Variants in SPOCK3 observed in about 807,000 individuals in gnomAD.
SPOCK3 encodes the protein testican-3.
A neutral mutation model predicts 56.6 loss-of-function variants in SPOCK3; 30 were observed. That is an observed-to-expected ratio of 0.53 (90% CI 0.40 to 0.72). The LOEUF (loss-of-function observed/expected upper bound fraction) is 0.72, where lower values mean the gene tolerates loss of function less well. Ranked by LOEUF, SPOCK3 falls within the 30% of genes least tolerant of loss-of-function variation. SPOCK3 has a pLI of 0.00. For synonymous variants in SPOCK3, 196 were observed against 183.3 expected, an observed-to-expected ratio of 1.07 and a Z score of -0.56; for missense variants, 527 against 530.0, an observed-to-expected ratio of 0.99 and a Z score of 0.06.
intron 7 of SPOCK3, among the ~76,000 whole-genome samples, chr4:166,785,407 G>T (rs1462577862): frequency 6.6e-6 from 1 of 151,986 alleles, no homozygotes; most frequent in African/African-American, 2.4e-5. Context: ...TATTTACACT[G>T]TCCAAGATTC....
At chr4:166,968,686 G>A (rs2150069962) in intron 4 of SPOCK3, among the ~76,000 whole-genome samples, 1 of 137,880 alleles carries the variant, frequency 7.3e-6, no homozygotes, top group South Asian at 2.1e-4. Flanking sequence ...GAAGTCTACT[G>A]CACAGGCAGA....
chr4:167,219,477 G>A (rs13105052), intron 2 of SPOCK3, among the ~76,000 whole-genome samples: 4,818 of 152,194 alleles, frequency 0.032, 115 homozygotes, highest in Middle Eastern at 0.072. Context: ...TATATCTAAT[G>A]TTTTACCAGT....
chr4:167,225,480 A>G (rs1336161415), intron 2 of SPOCK3, among the ~76,000 whole-genome samples: 2 of 152,064 alleles, frequency 1.3e-5, no homozygotes, highest in East Asian at 3.9e-4. Flanking sequence ...AAGACTTTTT[A>G]CCTACCCTTT....
At chr4:166,923,809 T>C (rs1485178178) in intron 4 of SPOCK3, among the ~76,000 whole-genome samples, 3 of 152,336 alleles carry the variant, frequency 2.0e-5, no homozygotes, top group African/African-American at 7.2e-5. Flanking sequence ...TTTTACACTT[T>C]ACTGATTTTT....
intron 6 of SPOCK3, among the ~76,000 whole-genome samples, chr4:166,792,538 A>G (rs1741468511): frequency 6.6e-6 from 1 of 152,180 alleles, no homozygotes; most frequent in Admixed American, 6.5e-5. Flanking sequence ...TGACACTTGG[A>G]GGATTTGTAT....
At chr4:167,054,242 G>A (rs904746322) in intron 3 of SPOCK3, among the ~76,000 whole-genome samples, 9 of 152,144 alleles carry the variant, frequency 5.9e-5, no homozygotes, top group Non-Finnish European at 1.2e-4. Context: ...TGATGTATCC[G>A]TTACACACCA....
intron 2 of SPOCK3, among the ~76,000 whole-genome samples, 189 bp downstream of exon 2, chr4:167,233,796 C>A (rs1419457759): frequency 1.3e-5 from 2 of 152,058 alleles, no homozygotes; most frequent in African/African-American, 4.8e-5. Flanking sequence ...ATCCAAGAAA[C>A]AAGCCCTTGA....
intron 2 of SPOCK3, among the ~76,000 whole-genome samples, chr4:167,066,365 A>T (rs1274891353): frequency 6.6e-6 from 1 of 151,806 alleles, no homozygotes; most frequent in Non-Finnish European, 1.5e-5. Context: ...TACTACTACA[A>T]GGTGTGACAA....
At chr4:167,224,367 T>C (rs13126864) in intron 2 of SPOCK3, among the ~76,000 whole-genome samples, 4,837 of 152,188 alleles carry the variant, frequency 0.032, 114 homozygotes, top group Middle Eastern at 0.072. Flanking sequence ...TATTCAAAAA[T>C]GTAGATAAAG....
chr4:167,034,786 T>C (rs572562158), intron 3 of SPOCK3, among the ~76,000 whole-genome samples: 17 of 152,294 alleles, frequency 1.1e-4, no homozygotes, highest in African/African-American at 2.6e-4. Context: ...AGGACATAGT[T>C]ATTTTAAATT....
chr4:167,139,506 A>G (rs1257687102), intron 2 of SPOCK3, among the ~76,000 whole-genome samples: 1 of 152,056 alleles, frequency 6.6e-6, no homozygotes, highest in African/African-American at 2.4e-5. Context: ...AAACACATGA[A>G]CTAATAGAGC....
chr4:167,146,887 C>G lies in SPOCK3; in HGVS notation c.190-84350G>C, dbSNP rs568487629. Among the ~76,000 whole-genome samples, 44 of 152,166 alleles carry G rather than the reference C, an allele frequency of 2.9e-4. 1 individual carries two copies. The highest frequency in any genetic ancestry group is 1.1e-3 in the African/African-American group (44 of 41,518). On this transcript the variant is annotated intron_variant, in intron 2 of 10. Transcript: ENST00000357545. The stretch of plus-strand genomic sequence containing the variant: ...AGATCTAAAACTGACACCCTAACAT[C>G]ACACTTAAAAGAACTAGAGAAGCAA...
intron 2 of SPOCK3, among the ~76,000 whole-genome samples, chr4:167,186,978 CAAAA>C (rs67424272): frequency 5.7e-5 from 5 of 88,382 alleles, no homozygotes; most frequent in Non-Finnish European, 7.5e-5. Flanking sequence ...CTCTGTGCCT[CAAAA>C]AAAAAAAAAA....
chr4:167,038,854 C>T (rs1753000210), intron 3 of SPOCK3, among the ~76,000 whole-genome samples: 1 of 151,980 alleles, frequency 6.6e-6, no homozygotes. Flanking sequence ...TAGGTTTATT[C>T]TACATCAGCT....
Position 167,004,092 on chromosome 4 carries a change from G to A in SPOCK3, c.236-3629C>T, listed in dbSNP as rs147120513. On this transcript the variant is annotated intron_variant, in intron 3 of 10. Transcript: ENST00000357545. ...AGATATCGTACAAGAATTGTATCTT[G>A]TCTCCAGCAGACTCAACATTTTTGT... is the stretch of plus-strand genomic sequence containing the variant. Among the ~76,000 whole-genome samples the A allele has an allele frequency of 8.8e-4, 134 of 152,216 alleles. 1 individual carries two copies. In the East Asian group the frequency reaches 0.023, roughly 26 times the overall value.
intron 6 of SPOCK3, among the ~76,000 whole-genome samples, chr4:166,838,366 G>GT (rs903882623): frequency 3.3e-5 from 5 of 151,674 alleles, no homozygotes; most frequent in Non-Finnish European, 7.4e-5. Flanking sequence ...GTTGTTTTTT[G>GT]TTTTGGTTTA....
At chr4:166,889,985 G>A (rs1287955632) in intron 5 of SPOCK3, among the ~76,000 whole-genome samples, 1 of 151,880 alleles carries the variant, frequency 6.6e-6, no homozygotes, top group Non-Finnish European at 1.5e-5. Flanking sequence ...TGTGCTTAGT[G>A]TCTCTCTAAT....
chr4:166,887,599 A>G (rs1175211842), intron 6 of SPOCK3, among the ~76,000 whole-genome samples: 1 of 152,108 alleles, frequency 6.6e-6, no homozygotes, highest in African/African-American at 2.4e-5. Context: ...TCAAGGTGGT[A>G]CTGAAAGTCC....
At position 167,065,873 on chromosome 4, in the gene SPOCK3, A is replaced by T. The variant is rs540684803; in HGVS notation, c.190-3336T>A. On this transcript the variant is annotated intron_variant, in intron 2 of 10. Transcript: ENST00000357545. ...TAAGCCAACCAGGGATTTAGAAAAC[A>T]ACTACAAGAGTTGCCCTCAATTGGA... Among the ~76,000 whole-genome samples the T allele has an allele frequency of 2.0e-4, 31 of 152,018 alleles. No individual in the cohort carries two copies. The South Asian group carries it at 5.8e-3, about 28-fold the overall frequency.
Sources: allele counts gnomAD v4.1 joint callset (sites outside exome capture counted in the v4.1 genomes callset), GRCh38; gene constraint gnomAD v4.1.1; transcripts MANE v1.5; gene names NCBI Gene and HGNC (gene_info 2026-07-23, HGNC 2026-07-21).